CWC27: variants seen among roughly 807,000 people sequenced by gnomAD.
CWC27 encodes CWC27 spliceosome associated cyclophilin.
Under a neutral mutation model 63.6 loss-of-function variants are expected in CWC27, and 47 were observed. The ratio of observed to expected loss-of-function variants is 0.74; its 90% CI spans 0.58 to 0.94. The LOEUF (loss-of-function observed/expected upper bound fraction) is 0.94. Ranked by LOEUF, CWC27 falls within the 40% of genes least tolerant of loss-of-function variation. The pLI, the probability that CWC27 is intolerant of heterozygous loss-of-function variation, is 0.00. For missense variants in CWC27, 495 were observed against 554.3 expected, an observed-to-expected ratio of 0.89 and a Z score of 1.07; for synonymous variants, 175 against 179.8, an observed-to-expected ratio of 0.97 and a Z score of 0.22.
chr5:64,936,399 C>T (rs1298411277), intron 11 of CWC27, among the ~76,000 whole-genome samples: 6 of 152,160 alleles, frequency 3.9e-5, no homozygotes, highest in African/African-American at 1.2e-4. Flanking sequence ...TGATGGATTA[C>T]GTTTATTGAT....
At chr5:64,890,114 G>A (rs551806920) in intron 11 of CWC27, among the ~76,000 whole-genome samples, 28 of 152,260 alleles carry the variant, frequency 1.8e-4, no homozygotes, top group African/African-American at 6.5e-4. Flanking sequence ...AAGGTGTTAG[G>A]TCCTCTTTCA....
chr5:64,922,836 G>A (rs748086414), intron 11 of CWC27, among the ~76,000 whole-genome samples: 17 of 152,094 alleles, frequency 1.1e-4, no homozygotes, highest in Non-Finnish European at 1.9e-4. Flanking sequence ...TTTGACTGTG[G>A]TGCAAGTTAG....
At chr5:64,915,895 G>A (rs1019990846) in intron 11 of CWC27, among the ~76,000 whole-genome samples, 30 of 152,154 alleles carry the variant, frequency 2.0e-4, no homozygotes, top group African/African-American at 7.0e-4. Flanking sequence ...TAATATAATT[G>A]TGGAGCTGGA....
rs139537244 is a variant in CWC27, at chr5:64,785,116, A to G, written c.397-365A>G. ...GAGGATTAAATGAGATAATGTCTCT[A>G]AAGCATTTACCACATTGTTATTGTT... On this transcript the variant is annotated intron_variant, in intron 4 of 13. Coordinates refer to ENST00000381070, the MANE Select transcript of CWC27 (RefSeq NM_005869.4). Among the ~76,000 whole-genome samples the G allele has an allele frequency of 2.9e-3, 446 of 152,310 alleles. 5 individuals carry two copies. The highest frequency in any genetic ancestry group is 0.01 in the African/African-American group (423 of 41,572).
rs540389143 is a variant in CWC27, at chr5:64,944,773, G to C, written c.1043-26930G>C. ...AGATTAGTGCAGTCGTTTCATAATTGATCTCTTTGTTTCTACAAGTGACCT... is the reference window on the plus strand; with the variant it reads ...AGATTAGTGCAGTCGTTTCATAATTCATCTCTTTGTTTCTACAAGTGACCT... On this transcript the variant is annotated intron_variant, in intron 11 of 13. Transcript: ENST00000381070. 6.6e-5 allele frequency among the ~76,000 whole-genome samples: 10 copies of C among 150,790 alleles called. No homozygotes were observed. In the South Asian group the frequency reaches 2.1e-3, roughly 32 times the overall value.
chr5:64,769,172 C>T lies in CWC27; in HGVS notation c.26C>T (p.Pro9Leu). Reference sequence around the variant, plus strand: ...ATGAGCAACATCTACATCCAGGAGCCTCCCACGAATGGGAAGGTGAGAGCC... The same window carrying T: ...ATGAGCAACATCTACATCCAGGAGCTTCCCACGAATGGGAAGGTGAGAGCC... MSNIYIQE[P>L]PTNGKVLLKT... The change falls in exon 1 of 14, where the codon CCT becomes CTT. Residue 9 changes from proline to leucine, a missense_variant. Pro to Leu is a moderately conservative substitution (Grantham distance 98, BLOSUM62 -3). This residue lies in a region of CWC27 where 463 missense variants were observed against 498.1 expected (regional missense o/e 0.93). Transcript: ENST00000381070. 2 of 1,614,110 alleles carry T rather than the reference C, an allele frequency of 1.2e-6. No homozygotes were observed. The highest frequency in any genetic ancestry group is 1.7e-5 in the Admixed American group (1 of 60,030).
chr5:64,913,859 G>T (rs1046569886), intron 11 of CWC27, among the ~76,000 whole-genome samples: 20 of 151,954 alleles, frequency 1.3e-4, no homozygotes, highest in African/African-American at 7.2e-5. Flanking sequence ...AGTTTATAGG[G>T]AAATGTAAGC....
chr5:64,962,128 T>C (rs766740720), intron 11 of CWC27, among the ~76,000 whole-genome samples: 10 of 152,228 alleles, frequency 6.6e-5, no homozygotes, highest in Admixed American at 1.3e-4. Context: ...TAGTCACTTA[T>C]TGAATTTTTG....
intron 10 of CWC27, among the ~76,000 whole-genome samples, chr5:64,805,969 G>C (rs1225790981): frequency 6.6e-6 from 1 of 152,122 alleles, no homozygotes; most frequent in Non-Finnish European, 1.5e-5. Flanking sequence ...TCTATCATGA[G>C]AATACTGGAG....
rs145213940 is a variant in CWC27, at chr5:64,834,827, G to A, written c.938+30441G>A. Among the ~76,000 whole-genome samples, 237 of 151,812 alleles carry A rather than the reference G, an allele frequency of 1.6e-3. 1 individual carries two copies. The highest frequency in any genetic ancestry group is 4.9e-3 in the African/African-American group (205 of 41,520). On this transcript the variant is annotated intron_variant, in intron 10 of 13. Transcript: ENST00000381070. ...CCTTTCCCCTGAGCCATCTCCAAAA[G>A]CAAGCTTTATATTTGGTGAAGCAAG...
At chr5:64,875,144 GA>G (rs1230750368) in intron 10 of CWC27, among the ~76,000 whole-genome samples, 2 of 151,598 alleles carry the variant, frequency 1.3e-5, no homozygotes, top group East Asian at 3.9e-4. Context: ...AGTGTGTTTT[GA>G]AAAAAAGAAT....
intron 10 of CWC27, among the ~76,000 whole-genome samples, chr5:64,861,314 T>G (rs969498681): frequency 6.6e-6 from 1 of 152,120 alleles, no homozygotes; most frequent in Non-Finnish European, 1.5e-5. Context: ...CATCAGAATT[T>G]TTTTGTGTGG....
At chr5:64,996,651 T>C (rs1172597965) in intron 13 of CWC27, among the ~76,000 whole-genome samples, 2 of 152,144 alleles carry the variant, frequency 1.3e-5, no homozygotes, top group Admixed American at 6.5e-5. Flanking sequence ...CTAGAAGTGA[T>C]AGTGTTCAGA....
intron 11 of CWC27, among the ~76,000 whole-genome samples, chr5:64,912,894 G>A (rs537386708): frequency 1.3e-5 from 2 of 152,254 alleles, no homozygotes; most frequent in African/African-American, 4.8e-5. Flanking sequence ...AATAGGAAAA[G>A]AGCAGAAGAG....
At chr5:64,818,433 T>C (rs1291683333) in intron 10 of CWC27, among the ~76,000 whole-genome samples, 1 of 152,186 alleles carries the variant, frequency 6.6e-6, no homozygotes, top group Admixed American at 6.6e-5. Flanking sequence ...ATTAATAGAA[T>C]TTCCGGATAT....
chr5:65,017,051 G>A (rs1750060460), intron 13 of CWC27, among the ~76,000 whole-genome samples: 1 of 152,118 alleles, frequency 6.6e-6, no homozygotes, highest in South Asian at 2.1e-4. Context: ...GCCGGGCACG[G>A]TGGCTCACAC....
intron 11 of CWC27, among the ~76,000 whole-genome samples, chr5:64,905,365 T>C (rs1221129240): frequency 1.3e-5 from 2 of 152,236 alleles, no homozygotes; most frequent in East Asian, 3.9e-4. Flanking sequence ...GCCCCACTTT[T>C]CTGGCTTCTG....
In CWC27 at chr5:64,857,883, A is replaced by G. The variant is rs552440761; in HGVS notation, c.939-27560A>G. Among the ~76,000 whole-genome samples the G allele has an allele frequency of 3.9e-5, 6 of 152,170 alleles. No individual in the cohort carries two copies. In the South Asian group the frequency reaches 1.2e-3, roughly 32 times the overall value. ...CCGGGCGCGGTGGCTCACGCTTGTAATCCCAGCACTTTGGGAGGCCGAGGC... is the reference window on the plus strand; with the variant it reads ...CCGGGCGCGGTGGCTCACGCTTGTAGTCCCAGCACTTTGGGAGGCCGAGGC... On this transcript the variant is annotated intron_variant, in intron 10 of 13. Coordinates refer to ENST00000381070, the MANE Select transcript of CWC27 (RefSeq NM_005869.4).
At chr5:64,807,255 T>C (rs764336474) in intron 10 of CWC27, among the ~76,000 whole-genome samples, 1 of 152,206 alleles carries the variant, frequency 6.6e-6, no homozygotes, top group African/African-American at 2.4e-5. Context: ...ATTGCTTCTA[T>C]TGGTAAGGAA....
Sources: gnomAD v4.1 joint callset for allele counts (sites outside exome capture counted in the v4.1 genomes callset) on GRCh38, gnomAD v4.1.1 for gene constraint, gnomAD v4.1.1 regional missense constraint, MANE v1.5 for transcripts, NCBI Gene and HGNC (gene_info 2026-07-23, HGNC 2026-07-21) for gene names.